Variants in AZU1 observed in about 807,000 individuals in gnomAD.
The protein encoded by AZU1 is azurocidin.
Under a neutral mutation model 17.8 loss-of-function variants are expected in AZU1, and 21 were observed. The ratio of observed to expected loss-of-function variants is 1.18; its 90% confidence interval spans 0.84 to 1.70. The LOEUF is 1.70. AZU1 is among the 40% of genes most tolerant of loss of function. The pLI, the probability that AZU1 is intolerant of heterozygous loss-of-function variation, is 0.00. For synonymous variants in AZU1, 178 were observed against 155.2 expected, an observed-to-expected ratio of 1.15 and a Z score of -1.09; for missense variants, 379 against 362.9, an observed-to-expected ratio of 1.04 and a Z score of -0.36.
Position 831,910 on chromosome 19 carries a change from C to T in AZU1, c.*33C>T, listed in dbSNP as rs753513160. On this transcript the variant is annotated 3_prime_UTR_variant, in exon 5 of 5. Coordinates refer to ENST00000233997, the MANE Select transcript of AZU1 (RefSeq NM_001700.5). Reference sequence around the variant, plus strand: ...TGTGACCTCCCATGGAGCCCAGCCCCGCCCTCCACACCTCCGGCGCTCCGC... The same window carrying T: ...TGTGACCTCCCATGGAGCCCAGCCCTGCCCTCCACACCTCCGGCGCTCCGC... 4.4e-6 allele frequency: 7 copies of T among 1,593,702 alleles called. No homozygotes were observed. Among genetic ancestry groups the T allele is most frequent in the African/African-American group, 2.7e-5 (2 of 74,364 alleles).
Position 831,950 on chromosome 19 carries a change from GC to G in AZU1, c.*77del. 1 of 1,503,876 alleles carries G rather than the reference GC, an allele frequency of 6.6e-7. No homozygotes were observed. The highest frequency in any genetic ancestry group is 2.0e-5 in the Admixed American group (1 of 50,652). The allele number at this position is 1,503,876 out of a possible 1,614,324, so 93.2% of individuals were successfully genotyped here. A position where few individuals can be genotyped will look rare whatever the true frequency, so the allele number is the denominator to read the frequency against. ...CGGCGCTCCGCACCCACCTCCCACG[GC>G]CCCGCCCCTGCCCCCGCTCCGGCCA... On this transcript the variant is annotated 3_prime_UTR_variant, in exon 5 of 5. Coordinates refer to ENST00000233997, the MANE Select transcript of AZU1 (RefSeq NM_001700.5).
chr19:830,683 C>T (rs1041962705), intron 3 of AZU1, 25 bp from the exon 4 acceptor site: 2 of 1,533,890 alleles, frequency 1.3e-6, no homozygotes, highest in Non-Finnish European at 8.8e-7. Flanking sequence ...GGGCCACCCT[C>T]CCCTGACTCC....
intron 2 of AZU1, 114 bp from the exon 3 acceptor site, chr19:829,448 G>A: frequency 7.2e-7 from 1 of 1,387,292 alleles, no homozygotes; most frequent in Non-Finnish European, 9.8e-7. Context: ...GAGTTTTCAG[G>A]GTGAAGGATT....
intron 3 of AZU1, among the ~76,000 whole-genome samples, chr19:830,481 T>C (rs1252448156): frequency 1.3e-5 from 2 of 152,218 alleles, no homozygotes; most frequent in African/African-American, 4.8e-5. Context: ...GGTTTCACCT[T>C]GTTGGCCAGT....
intron 3 of AZU1, 79 bp downstream of exon 3, chr19:829,785 T>G (rs1311792537): frequency 6.5e-7 from 1 of 1,536,880 alleles, no homozygotes; most frequent in Non-Finnish European, 8.8e-7. Flanking sequence ...AAACTTGGTC[T>G]CTACAAAAAA....
intron 4 of AZU1, 21 bp downstream of exon 4, chr19:830,962 G>A (rs1431647521): frequency 5.6e-6 from 9 of 1,594,472 alleles, no homozygotes; most frequent in Non-Finnish European, 7.7e-6. Context: ...CCTGTGGCGG[G>A]AGGAGGGGTC....
In AZU1 at chr19:831,812, C is replaced by G. The variant is rs534295279; in HGVS notation, c.691C>G (p.Arg231Gly). 1.2e-6 allele frequency: 2 copies of G among 1,612,574 alleles called. No individual in the cohort carries two copies. Among genetic ancestry groups the G allele is most frequent in the Middle Eastern group, 3.3e-4 (2 of 6,060 alleles). ...PCGRGPDFFTRVALFRDWIDG... is the reference protein window; with the variant it reads ...PCGRGPDFFTGVALFRDWIDG... ...TGGCCGAGGCCCTGACTTCTTCACC[C>G]GAGTGGCGCTCTTCCGAGACTGGAT... is the stretch of plus-strand genomic sequence containing the variant. Residue 231 changes from arginine (R) to glycine (G), a missense_variant, in exon 5 of 5, where the codon CGA becomes GGA. By Grantham distance (125) the Arg-to-Gly change is moderately radical. Transcript: ENST00000233997.
rs1439145396 is a variant in AZU1, at chr19:830,922, G to A, written c.575G>A (p.Arg192His). 1.1e-5 allele frequency: 18 copies of A among 1,602,008 alleles called. No homozygotes were observed. The highest frequency in any genetic ancestry group is 4.0e-5 in the African/African-American group (3 of 74,896). Residue 192 changes from arginine (R) to histidine (H), a missense_variant, in exon 4 of 5, where the codon CGC (arginine) becomes CAC (histidine). By Grantham distance (29) the Arg-to-His change is conservative (BLOSUM62 0). Coordinates refer to ENST00000233997, the MANE Select transcript of AZU1 (RefSeq NM_001700.5). ...PNNVCTGVLT[R>H]RGGICNGDGG... ...AACGTGTGCACCGGTGTGCTCACCC[G>A]CCGCGGTGGCATCTGCAATGTGAGT...
chr19:829,764 G>A (rs2035264464), intron 3 of AZU1, 58 bp downstream of exon 3: 1 of 1,585,450 alleles, frequency 6.3e-7, no homozygotes, highest in Admixed American at 1.7e-5. Context: ...GTTAGCCAGG[G>A]AAACAAGTCC....
chr19:829,803 A>T, intron 3 of AZU1, 97 bp downstream of exon 3: 1 of 1,465,258 alleles, frequency 6.8e-7, no homozygotes, highest in Non-Finnish European at 9.2e-7. Context: ...AAAATACAAA[A>T]ATTAGCCGGG....
intron 2 of AZU1, 125 bp from the exon 3 acceptor site, chr19:829,437 G>A (rs1229569142): frequency 1.5e-6 from 2 of 1,318,592 alleles, no homozygotes; most frequent in African/African-American, 1.5e-5. Flanking sequence ...TAAAAGCGGG[G>A]GAGTTTTCAG....
Position 831,138 on chromosome 19 carries a change from C to A in AZU1, c.594+197C>A, listed in dbSNP as rs1178617296. Reference sequence around the variant, plus strand: ...TGTCGCCCAGGCTGGAGTGTAGTGGCGTGATCTCGGCGGCTCACTGCAACC... The same window carrying A: ...TGTCGCCCAGGCTGGAGTGTAGTGGAGTGATCTCGGCGGCTCACTGCAACC... On this transcript the variant is annotated intron_variant, in intron 4 of 4. Coordinates refer to ENST00000233997, the MANE Select transcript of AZU1 (RefSeq NM_001700.5). The A allele has an allele frequency of 5.2e-6, 3 of 571,484 alleles. No individual in the cohort carries two copies. The African/African-American group carries it at 5.8e-5, about 11-fold the overall frequency. 35.4% of individuals were successfully genotyped at this position (571,484 alleles called of 1,614,324 possible). A position where few individuals can be genotyped will look rare whatever the true frequency, so the allele number is the denominator to read the frequency against.
intron 2 of AZU1, 151 bp from the exon 3 acceptor site, chr19:829,411 C>A: frequency 8.9e-7 from 1 of 1,118,280 alleles, no homozygotes; most frequent in Non-Finnish European, 1.3e-6. Flanking sequence ...CCTGGAAAGT[C>A]TCGGCTCTGC....
intron 1 of AZU1, 104 bp downstream of exon 1, chr19:828,008 G>T (rs1040785457): frequency 8.1e-6 from 12 of 1,475,818 alleles, no homozygotes; most frequent in Non-Finnish European, 1.1e-5. Context: ...CTTGGCCTGG[G>T]TCACACAGCC....
At chr19:829,312 C>T (rs1387798137) in intron 2 of AZU1, among the ~76,000 whole-genome samples, 3 of 127,430 alleles carry the variant, frequency 2.4e-5, no homozygotes, top group Non-Finnish European at 4.8e-5. Context: ...GGAAGGGACT[C>T]AGATGGAGGA....
chr19:830,579 C>T (rs2035274696), intron 3 of AZU1, 129 bp from the exon 4 acceptor site: 3 of 821,792 alleles, frequency 3.7e-6, no homozygotes, highest in African/African-American at 3.5e-5. Flanking sequence ...CGCACCCGGC[C>T]CCTGCCGGGA....
At position 828,236 on chromosome 19, in the gene AZU1, GC is replaced by G. The variant is rs36002066; in HGVS notation, c.70del (p.Leu24PhefsTer33). 6.2e-7 allele frequency: 1 copy of G among 1,604,676 alleles called. No individual in the cohort carries two copies. Among genetic ancestry groups the G allele is most frequent in the East Asian group, 2.2e-5 (1 of 44,628 alleles). ...CTGTCTCCCCCCGACCCAGGCTCCA[GC>G]CCCCTTTTGGACATCGTTGGCGGCC... ...GLLASSRAGS[S>X]PLLDIVGGRK... On this transcript the variant is annotated frameshift_variant, in exon 2 of 5. Coordinates refer to ENST00000233997, the MANE Select transcript of AZU1 (RefSeq NM_001700.5). LOFTEE classifies it high-confidence loss of function.
rs760337322 is a variant in AZU1, at chr19:828,253, G to T, written c.82G>T (p.Val28Phe). 2 of 1,608,546 alleles carry T rather than the reference G, an allele frequency of 1.2e-6. No homozygotes were observed. Among genetic ancestry groups the T allele is most frequent in the South Asian group, 2.2e-5 (2 of 90,570 alleles). ...RAGSSPLLDI[V>F]GGRKARPRQF... ...AGGCTCCAGCCCCCTTTTGGACATC[G>T]TTGGCGGCCGGAAGGCGAGGCCCCG... Residue 28 changes from valine (V) to phenylalanine (F), a missense_variant, in exon 2 of 5, where the codon GTT (valine) becomes TTT (phenylalanine). Val to Phe is a conservative substitution (Grantham distance 50). Coordinates refer to ENST00000233997, the MANE Select transcript of AZU1 (RefSeq NM_001700.5).
intron 3 of AZU1, among the ~76,000 whole-genome samples, chr19:830,007 A>T (rs1013449442): frequency 6.7e-6 from 1 of 148,664 alleles, no homozygotes; most frequent in African/African-American, 2.5e-5. Flanking sequence ...CATGCCTGTA[A>T]TCCCAGCATT....
Sources: allele counts gnomAD v4.1 joint callset (sites outside exome capture counted in the v4.1 genomes callset), GRCh38; gene constraint gnomAD v4.1.1; transcripts MANE v1.5; gene names NCBI Gene and HGNC (gene_info 2026-07-23, HGNC 2026-07-21).